The following CLIP3 variants were observed in gnomAD, a reference collection of about 807,000 sequenced individuals.
The protein encoded by CLIP3 is CAP-Gly domain containing linker protein 3.
Under a neutral mutation model 59.4 loss-of-function variants are expected in CLIP3, and 15 were observed. The ratio of observed to expected loss-of-function variants is 0.25; its 90% CI spans 0.17 to 0.39. The LOEUF (loss-of-function observed/expected upper bound fraction) is 0.39. Ranked by LOEUF, CLIP3 falls within the 10% of genes least tolerant of loss-of-function variation. The probability of loss-of-function intolerance (pLI) is 1.00; values close to 1 mark genes in which losing one functional copy is unlikely to be tolerated. For missense variants in CLIP3, 495 were observed against 765.7 expected (o/e 0.65, Z 4.17); for synonymous variants, 300 against 321.6 (o/e 0.93, Z 0.72).
intron 2 of CLIP3, among the ~76,000 whole-genome samples, chr19:36,030,996 T>A (rs1339990952): frequency 9.3e-6 from 1 of 107,844 alleles, no homozygotes; most frequent in East Asian, 2.0e-4. Context: ...TTCTTTTTTC[T>A]TTTTTTCTTT....
intron 7 of CLIP3, among the ~76,000 whole-genome samples, chr19:36,019,613 T>A (rs540056976): frequency 4.6e-5 from 7 of 150,926 alleles, no homozygotes; most frequent in African/African-American, 1.5e-4. Context: ...ATTTATTTTT[T>A]TTTTTTTCGA....
In CLIP3 at chr19:36,016,740, G is replaced by A. The variant is rs1002375382; in HGVS notation, c.1589+167C>T. ...AGTGGAATTCACTAGAATTCAGTGC[G>A]GGGCCCTACACCCTAAAGACTGTTT... On this transcript the variant is annotated intron_variant, in intron 13 of 13. Coordinates refer to ENST00000360535, the MANE Select transcript of CLIP3 (RefSeq NM_015526.3). This position sits in a 1 kb window ranked among gnomAD's most constrained non-coding sequence, Gnocchi z 4.1. The A allele has an allele frequency of 3.5e-5, 24 of 677,046 alleles. No individual in the cohort carries two copies. Among genetic ancestry groups the A allele is most frequent in the African/African-American group, 3.1e-4 (17 of 55,344 alleles). 41.9% of individuals were successfully genotyped at this position (677,046 alleles called of 1,614,324 possible). A position where few individuals can be genotyped will look rare whatever the true frequency, so the allele number is the denominator to read the frequency against.
chr19:36,018,753 A>C, intron 9 of CLIP3, 145 bp downstream of exon 9: 1 of 1,130,552 alleles, frequency 8.8e-7, no homozygotes, highest in Non-Finnish European at 1.3e-6. Context: ...GCCAAAGGGG[A>C]AACTGAGTCA....
intron 2 of CLIP3, among the ~76,000 whole-genome samples, chr19:36,028,021 C>T (rs1421374293): frequency 1.3e-5 from 2 of 151,404 alleles, no homozygotes; most frequent in Non-Finnish European, 2.9e-5. Context: ...CAGAGCAAGA[C>T]CCTGACTCTG....
In CLIP3 at chr19:36,027,257, CGAA is replaced by C; in HGVS notation, c.178_180del (p.Phe60del). 3.7e-6 allele frequency: 6 copies of C among 1,605,644 alleles called. No homozygotes were observed. Among genetic ancestry groups the C allele is most frequent in the Non-Finnish European group, 4.3e-6 (5 of 1,176,076 alleles). ...TCCTGGCACGCCGGGTCATTGGGAT[CGAA>C]GAAGGTGAAAGCTGGGGTGGCAAGA... On this transcript the variant is annotated inframe_deletion, in exon 3 of 14. Coordinates refer to ENST00000360535, the MANE Select transcript of CLIP3 (RefSeq NM_015526.3).
In CLIP3 at chr19:36,029,827, T is replaced by C. The variant is rs144146149; in HGVS notation, c.166+2365A>G. Reference sequence around the variant, plus strand: ...ACAGATACATGATTTCCTCTTGGAGTCCACCTTAGCCTTCTCCCTGTCCTC... The same window carrying C: ...ACAGATACATGATTTCCTCTTGGAGCCCACCTTAGCCTTCTCCCTGTCCTC... On this transcript the variant is annotated intron_variant, in intron 2 of 13. Coordinates refer to ENST00000360535, the MANE Select transcript of CLIP3 (RefSeq NM_015526.3). 1.6e-4 allele frequency among the ~76,000 whole-genome samples: 25 copies of C among 152,096 alleles called. No homozygotes were observed. The East Asian group carries it at 4.8e-3, about 29-fold the overall frequency.
At position 36,018,974 on chromosome 19, in the gene CLIP3, G is replaced by C. The variant is rs747518738; in HGVS notation, c.1107C>G (p.Ser369=). The C allele has an allele frequency of 6.2e-7, 1 of 1,606,784 alleles. No homozygotes were observed. The highest frequency in any genetic ancestry group is 1.1e-5 in the South Asian group (1 of 89,920). ...KISKAVDAPP[S]SVTSTPRTPR... is the part of the protein sequence containing the mutation. Reference sequence around the variant, plus strand: ...GGGTCCGGGGTGTGGAGGTGACAGAGGAGGGGGGTGCGTCCACTGCCTTGG... The same window carrying C: ...GGGTCCGGGGTGTGGAGGTGACAGACGAGGGGGGTGCGTCCACTGCCTTGG... Residue 369 remains serine (S), a synonymous_variant, in exon 9 of 14, where the codon TCC becomes TCG. Transcript: ENST00000360535.
rs919605902 is a variant in CLIP3, at chr19:36,018,972, G to A, written c.1109C>T (p.Ser370Phe). The part of the protein sequence containing the change: ...ISKAVDAPPS[S>F]VTSTPRTPRM... ...GGGGGTCCGGGGTGTGGAGGTGACAGAGGAGGGGGGTGCGTCCACTGCCTT... is the reference window on the plus strand; with the variant it reads ...GGGGGTCCGGGGTGTGGAGGTGACAAAGGAGGGGGGTGCGTCCACTGCCTT... Residue 370 changes from serine to phenylalanine, a missense_variant, in exon 9 of 14, where the codon TCT (serine) becomes TTT (phenylalanine). Ser to Phe is a radical substitution (Grantham distance 155, BLOSUM62 -2). This residue lies in a region of CLIP3 where 179 missense variants were observed against 226.2 expected (regional missense o/e 0.79). Coordinates refer to ENST00000360535, the MANE Select transcript of CLIP3 (RefSeq NM_015526.3). 4 of 1,607,262 alleles carry A rather than the reference G, an allele frequency of 2.5e-6. No homozygotes were observed. Among genetic ancestry groups the A allele is most frequent in the Non-Finnish European group, 3.4e-6 (4 of 1,176,860 alleles).
Position 36,026,824 on chromosome 19 carries a change from C to G in CLIP3, c.401-77G>C, listed in dbSNP as rs1969126480. 5 of 1,555,760 alleles carry G rather than the reference C, an allele frequency of 3.2e-6. No individual in the cohort carries two copies. Among genetic ancestry groups the G allele is most frequent in the Non-Finnish European group, 4.3e-6 (5 of 1,154,526 alleles). On this transcript the variant is annotated intron_variant, in intron 4 of 13. Coordinates refer to ENST00000360535, the MANE Select transcript of CLIP3 (RefSeq NM_015526.3). The surrounding 1 kb of genome is among the most constrained non-coding windows in gnomAD (Gnocchi z 6.3). ...AGTGCACGGGGAGGACCCTGGGCTT[C>G]AGGGACTATACTTTGGGATCCGAAG...
At chr19:36,030,123 C>T (rs1969218211) in intron 2 of CLIP3, among the ~76,000 whole-genome samples, 1 of 152,054 alleles carries the variant, frequency 6.6e-6, no homozygotes, top group Non-Finnish European at 1.5e-5. Context: ...TGGTGCAATC[C>T]TAGCTTACTG....
At chr19:36,022,176 C>T (rs780269807) in intron 7 of CLIP3, among the ~76,000 whole-genome samples, 9 of 151,704 alleles carry the variant, frequency 5.9e-5, no homozygotes, top group African/African-American at 2.2e-4. Flanking sequence ...CACCGCGCCC[C>T]GACAATTAGT....
At chr19:36,020,737 G>A (rs1238577990) in intron 7 of CLIP3, among the ~76,000 whole-genome samples, 2 of 152,244 alleles carry the variant, frequency 1.3e-5, no homozygotes, top group African/African-American at 2.4e-5. Context: ...GGACAGCACA[G>A]ACAGAATATT....
intron 2 of CLIP3, among the ~76,000 whole-genome samples, chr19:36,028,552 A>T (rs1202724279): frequency 2.0e-5 from 3 of 152,126 alleles, no homozygotes; most frequent in Non-Finnish European, 4.4e-5. Context: ...GACTACATGA[A>T]TGATCAGATT....
At position 36,016,321 on chromosome 19, in the gene CLIP3, T is replaced by A. The variant is rs1968798565; in HGVS notation, c.1590-109A>T. The A allele has an allele frequency of 8.4e-7, 1 of 1,183,456 alleles. No individual in the cohort carries two copies. The highest frequency in any genetic ancestry group is 1.5e-5 in the African/African-American group (1 of 66,086). The allele number at this position is 1,183,456 out of a possible 1,614,324, so 73.3% of individuals were successfully genotyped here. ...TTTGCTATCAGGCCTTTCTGGATTC[T>A]GCCTCTACCTCTCTGGCTGTGGTTT... On this transcript the variant is annotated intron_variant, in intron 13 of 13. Transcript: ENST00000360535. The surrounding 1 kb of genome is among the most constrained non-coding windows in gnomAD (Gnocchi z 4.1).
intron 2 of CLIP3, among the ~76,000 whole-genome samples, chr19:36,031,493 C>A (rs943707199): frequency 5.3e-5 from 8 of 152,186 alleles, no homozygotes; most frequent in African/African-American, 1.7e-4. Flanking sequence ...TAGCAGCACT[C>A]GATAAATATC....
chr19:36,027,303 C>T (rs1969140170), intron 2 of CLIP3, 32 bp from the exon 3 acceptor site: 8 of 1,560,458 alleles, frequency 5.1e-6, no homozygotes, highest in African/African-American at 1.4e-5. Context: ...GGTCACCCCA[C>T]GCAACTGACC....
rs1969049898 is a variant in CLIP3 at position 36,024,728 on chromosome 19, A to G, written c.682-96T>C. On this transcript the variant is annotated intron_variant, in intron 6 of 13. Transcript: ENST00000360535. Reference sequence around the variant, plus strand: ...TAGAGACCACCAGTCTGGGTGATGCAGGGGTAAGACTAGGTCATATCCTGG... The same window carrying G: ...TAGAGACCACCAGTCTGGGTGATGCGGGGGTAAGACTAGGTCATATCCTGG... 2.5e-6 allele frequency: 3 copies of G among 1,218,174 alleles called. No homozygotes were observed. The East Asian group carries it at 7.2e-5, about 29-fold the overall frequency. 75.5% of individuals were successfully genotyped at this position (1,218,174 alleles called of 1,614,324 possible).
In CLIP3 at chr19:36,026,567, C is replaced by A. The variant is rs748653126; in HGVS notation, c.562+19G>T. 1 of 1,612,522 alleles carries A rather than the reference C, an allele frequency of 6.2e-7. No individual in the cohort carries two copies. On this transcript the variant is annotated intron_variant, in intron 5 of 13. Transcript: ENST00000360535. The surrounding 1 kb of genome is among the most constrained non-coding windows in gnomAD (Gnocchi z 6.3). Reference sequence around the variant, plus strand: ...CACCCAGGTCCTTGCCCCCTCCCAGCCAGGGCTCTCCTCCTCACCTCGCGG... The same window carrying A: ...CACCCAGGTCCTTGCCCCCTCCCAGACAGGGCTCTCCTCCTCACCTCGCGG...
intron 7 of CLIP3, among the ~76,000 whole-genome samples, chr19:36,024,156 C>T (rs752831292): frequency 7.2e-5 from 11 of 152,352 alleles, no homozygotes; most frequent in Non-Finnish European, 1.3e-4. Flanking sequence ...TGACCACTCT[C>T]GGCCGTCACT....
Sources: gnomAD v4.1 joint callset for allele counts (sites outside exome capture counted in the v4.1 genomes callset) on GRCh38, gnomAD v4.1.1 for gene constraint, gnomAD v4.1.1 regional missense constraint, Gnocchi (gnomAD v3.1) non-coding constraint, MANE v1.5 for transcripts, NCBI Gene and HGNC (gene_info 2026-07-23, HGNC 2026-07-21) for gene names.